PTPN12: variants seen among roughly 807,000 people sequenced by gnomAD.
The protein encoded by PTPN12 is protein tyrosine phosphatase non-receptor type 12, also known as tyrosine-protein phosphatase non-receptor type 12.
Under a neutral mutation model 97.6 loss-of-function variants are expected in PTPN12, and 29 were observed. The ratio of observed to expected loss-of-function variants is 0.30; its 90% CI spans 0.22 to 0.41. PTPN12 has a LOEUF of 0.41. Among genes scored for constraint, PTPN12 ranks in the 10% least tolerant of loss-of-function variants. The pLI is 1.00. For synonymous variants in PTPN12, 327 were observed against 300.4 expected (o/e 1.09, Z -0.91); for missense variants, 819 against 926.0 (o/e 0.88, Z 1.50).
At chr7:77,563,028 A>G (rs1462007507) in intron 1 of PTPN12, among the ~76,000 whole-genome samples, 1 of 150,644 alleles carries the variant, frequency 6.6e-6, no homozygotes, top group Non-Finnish European at 1.5e-5. Context: ...TGCCATATTT[A>G]TTATTTTAAA....
chr7:77,612,591 A>G (rs1670861096), intron 11 of PTPN12, among the ~76,000 whole-genome samples: 1 of 151,728 alleles, frequency 6.6e-6, no homozygotes. Context: ...AGCATGTGCC[A>G]CCACACCTGG....
At chr7:77,618,422 A>G in intron 11 of PTPN12, 58 bp from the exon 12 acceptor site, 3 of 1,163,440 alleles carry the variant, frequency 2.6e-6, no homozygotes, top group Non-Finnish European at 3.7e-6. Flanking sequence ...TAGTTGAAAC[A>G]TGAAGAGGAA....
intron 1 of PTPN12, among the ~76,000 whole-genome samples, chr7:77,556,718 T>C (rs1387580679): frequency 6.6e-6 from 1 of 151,980 alleles, no homozygotes; most frequent in African/African-American, 2.4e-5. Flanking sequence ...TAGTCCCAGC[T>C]ACTCGGGAGG....
chr7:77,629,358 T>C (rs1303866772), intron 13 of PTPN12, among the ~76,000 whole-genome samples: 2 of 152,224 alleles, frequency 1.3e-5, no homozygotes, highest in Non-Finnish European at 2.9e-5. Flanking sequence ...AATATTACTT[T>C]ACCAGTTTAC....
At chr7:77,587,017 T>G (rs894111026) in intron 5 of PTPN12, among the ~76,000 whole-genome samples, 2 of 152,174 alleles carry the variant, frequency 1.3e-5, no homozygotes, top group African/African-American at 4.8e-5. Flanking sequence ...ACTGAAGTCT[T>G]GAACCTCTCA....
chr7:77,631,753 A>C (rs184498202), intron 13 of PTPN12, among the ~76,000 whole-genome samples: 2 of 152,254 alleles, frequency 1.3e-5, no homozygotes, highest in Non-Finnish European at 2.9e-5. Flanking sequence ...AGCAATAAAT[A>C]AATGAAGATT....
At chr7:77,555,576 C>T (rs544938991) in intron 1 of PTPN12, among the ~76,000 whole-genome samples, 87 of 152,232 alleles carry the variant, frequency 5.7e-4, no homozygotes, top group Non-Finnish European at 5.7e-4. Context: ...AGTAAGCCCA[C>T]CAACAACATT....
chr7:77,585,487 T>TA, intron 4 of PTPN12, 56 bp from the exon 5 acceptor site: 1 of 1,473,618 alleles, frequency 6.8e-7, no homozygotes, highest in Non-Finnish European at 9.4e-7. Context: ...TATTAAAAAG[T>TA]AAAATTGTGT....
intron 13 of PTPN12, among the ~76,000 whole-genome samples, chr7:77,628,409 C>T (rs1789277985): frequency 6.6e-6 from 1 of 152,006 alleles, no homozygotes. Flanking sequence ...TTAAACAGAC[C>T]CTAAGGTTGA....
intron 14 of PTPN12, 103 bp downstream of exon 14, chr7:77,632,528 T>C: frequency 1.2e-6 from 1 of 839,476 alleles, no homozygotes; most frequent in Non-Finnish European, 1.9e-6. Flanking sequence ...CATAATTAAA[T>C]TCAAAAACAA....
In PTPN12 at chr7:77,597,887, C is replaced by A. The variant is rs755462468; in HGVS notation, c.538C>A (p.Leu180Ile). Residue 180 changes from leucine to isoleucine, a missense_variant, in exon 7 of 18, where the codon CTT becomes ATT. Transcript: ENST00000248594. ...AGACTACTTCATCAGGACACTCTTA[C>A]TTGAATTTCAAAATGTAGGTACTTA... ...RTDYFIRTLLLEFQNESRRLY... is the reference protein window; with the variant it reads ...RTDYFIRTLLIEFQNESRRLY... The A allele has an allele frequency of 1.2e-6, 2 of 1,612,604 alleles. No homozygotes were observed. Among genetic ancestry groups the A allele is most frequent in the Admixed American group, 1.7e-5 (1 of 59,768 alleles).
At chr7:77,594,066 T>A (rs1787947844) in intron 6 of PTPN12, among the ~76,000 whole-genome samples, 1 of 152,238 alleles carries the variant, frequency 6.6e-6, no homozygotes, top group African/African-American at 2.4e-5. Flanking sequence ...TCAATGTTGT[T>A]TTTATAATGT....
chr7:77,592,106 C>T, intron 5 of PTPN12, 79 bp from the exon 6 acceptor site: 1 of 1,257,216 alleles, frequency 8.0e-7, no homozygotes, highest in South Asian at 1.3e-5. Context: ...GTAAGCAGAA[C>T]CTCAGGACAC....
At chr7:77,634,178 A>AAT (rs1250413337) in intron 14 of PTPN12, among the ~76,000 whole-genome samples, 4 of 67,194 alleles carry the variant, frequency 6.0e-5, no homozygotes, top group Admixed American at 3.8e-4. Flanking sequence ...CCAGTTTGGT[A>AAT]ACAGTGAGAC....
intron 1 of PTPN12, among the ~76,000 whole-genome samples, chr7:77,554,502 G>A (rs768351562): frequency 4.6e-5 from 7 of 152,080 alleles, no homozygotes; most frequent in Non-Finnish European, 8.8e-5. Context: ...CTGAATAAAC[G>A]TATCAGATCA....
rs149853731 is a variant in PTPN12 at position 77,598,572 on chromosome 7, A to G, written c.552+671A>G. On this transcript the variant is annotated intron_variant, in intron 7 of 17. Coordinates refer to ENST00000248594, the MANE Select transcript of PTPN12 (RefSeq NM_002835.4). ...GTGGTGCACACCTATAATCCCAGCT[A>G]CTCAGGAGGCTGAGGCACTTGAATT... 5.3e-4 allele frequency among the ~76,000 whole-genome samples: 80 copies of G among 152,100 alleles called. 1 individual carries two copies. The East Asian group carries it at 0.015, about 29-fold the overall frequency.
At chr7:77,599,029 C>T (rs993075075) in intron 7 of PTPN12, among the ~76,000 whole-genome samples, 116 of 150,706 alleles carry the variant, frequency 7.7e-4, no homozygotes, top group Non-Finnish European at 4.9e-4. Context: ...TTTTTAGTTA[C>T]GAAGATGAAA....
rs1382042471 is a variant in PTPN12, at chr7:77,639,390, T to G, written c.*110T>G. 1.2e-6 allele frequency: 1 copy of G among 852,434 alleles called. No individual in the cohort carries two copies. 52.8% of individuals were successfully genotyped at this position (852,434 alleles called of 1,614,324 possible). On this transcript the variant is annotated 3_prime_UTR_variant, in exon 18 of 18. Transcript: ENST00000248594. ...ATGTGGGACTAACAGCAGTGTAGAT[T>G]GTTACCTTAATATTTTTTGCTGGGA... is the stretch of plus-strand genomic sequence containing the variant.
At chr7:77,604,814 T>G (rs1023769580) in intron 8 of PTPN12, 1 of 383,444 alleles carries the variant, frequency 2.6e-6, no homozygotes, top group Non-Finnish European at 5.2e-6. Context: ...TATATTTTTA[T>G]CCACCTGGAT....
Sources: gnomAD v4.1 joint callset for allele counts (sites outside exome capture counted in the v4.1 genomes callset) on GRCh38, gnomAD v4.1.1 for gene constraint, MANE v1.5 for transcripts, NCBI Gene and HGNC (gene_info 2026-07-23, HGNC 2026-07-21) for gene names.